DIAPH1: variants seen among roughly 807,000 people sequenced by gnomAD.
The protein encoded by DIAPH1 is diaphanous related formin 1.
Under a neutral mutation model 140.7 loss-of-function variants are expected in DIAPH1, and 46 were observed. That is an observed-to-expected ratio of 0.33 (90% CI 0.26 to 0.42). DIAPH1 has a LOEUF of 0.42. DIAPH1 is among the 10% of genes least tolerant of loss of function. The pLI is 1.00. For missense variants in DIAPH1, 1,310 were observed against 1,558.7 expected (o/e 0.84, Z 2.69); for synonymous variants, 565 against 551.6 (o/e 1.02, Z -0.34).
At chr5:141,574,889 C>G in intron 15 of DIAPH1, 78 bp downstream of exon 15, 1 of 1,492,248 alleles carries the variant, frequency 6.7e-7, no homozygotes. Flanking sequence ...TCCCTAGGAG[C>G]GAGATGACTG....
intron 18 of DIAPH1, among the ~76,000 whole-genome samples, chr5:141,542,368 G>A (rs181646923): frequency 4.1e-4 from 62 of 152,202 alleles, no homozygotes; most frequent in African/African-American, 1.3e-3. Context: ...AGGAGGCAGA[G>A]GTTGCAGTGA....
rs1284204308 is a variant in DIAPH1 at position 141,577,518 on chromosome 5, T to C, written c.1237A>G (p.Ile413Val). The change falls in exon 12 of 28, where the codon ATC becomes GTC. Residue 413 changes from isoleucine to valine, a missense_variant. Coordinates refer to ENST00000389054, the MANE Select transcript of DIAPH1 (RefSeq NM_005219.5). Reference sequence around the variant, plus strand: ...CGGACCAAGAGTAAGTGCTGCAGGATGGAAAGGAAGTGTGGCTCTGCCTTT... The same window carrying C: ...CGGACCAAGAGTAAGTGCTGCAGGACGGAAAGGAAGTGTGGCTCTGCCTTT... The part of the protein sequence containing the change: ...DSKAEPHFLS[I>V]LQHLLLVRND... 6.2e-7 allele frequency: 1 copy of C among 1,614,032 alleles called. No homozygotes were observed. The highest frequency in any genetic ancestry group is 2.2e-5 in the East Asian group (1 of 44,864).
intron 17 of DIAPH1, 138 bp from the exon 18 acceptor site, chr5:141,571,574 C>A: frequency 1.3e-6 from 1 of 756,022 alleles, no homozygotes; most frequent in Non-Finnish European, 2.2e-6. Flanking sequence ...CTTTCCAACC[C>A]TTATTAATTA....
chr5:141,534,033 CAA>C (rs35815835), intron 19 of DIAPH1, among the ~76,000 whole-genome samples: 4 of 49,960 alleles, frequency 8.0e-5, no homozygotes, highest in Admixed American at 2.3e-4. Context: ...GACTGTGTCT[CAA>C]AAAAAAAAAA....
At chr5:141,527,069 TG>T (rs1252198529) in intron 24 of DIAPH1, among the ~76,000 whole-genome samples, 1 of 152,070 alleles carries the variant, frequency 6.6e-6, no homozygotes, top group Non-Finnish European at 1.5e-5. Context: ...TGGTTACCTC[TG>T]GGGAGGGGAA....
rs748520819 is a variant in DIAPH1, at chr5:141,526,466, A to G, written c.3274-5T>C. 6.2e-7 allele frequency: 1 copy of G among 1,614,158 alleles called. No homozygotes were observed. Among genetic ancestry groups the G allele is most frequent in the Non-Finnish European group, 8.5e-7 (1 of 1,180,024 alleles). On this transcript the variant is annotated splice_region_variant and splice_polypyrimidine_tract_variant and intron_variant, in intron 24 of 27. Transcript: ENST00000389054. Reference sequence around the variant, plus strand: ...CTGTGCATCCTTCACAAAGCTGTGCAGCCAAGGAGTAAAGGACCAAGACCA... The same window carrying G: ...CTGTGCATCCTTCACAAAGCTGTGCGGCCAAGGAGTAAAGGACCAAGACCA...
intron 1 of DIAPH1, among the ~76,000 whole-genome samples, chr5:141,613,930 C>T (rs564301814): frequency 6.6e-6 from 1 of 152,244 alleles, no homozygotes; most frequent in Admixed American, 6.5e-5. Context: ...CAAATCAGCC[C>T]CCACGTAAGT....
At chr5:141,547,254 A>G (rs1026941358) in intron 18 of DIAPH1, among the ~76,000 whole-genome samples, 1 of 152,228 alleles carries the variant, frequency 6.6e-6, no homozygotes, top group Non-Finnish European at 1.5e-5. Context: ...TCATGAGGTC[A>G]GGAGATCAAG....
rs567393007 is a variant in DIAPH1 at position 141,571,707 on chromosome 5, A to G, written c.2473+219T>C. On this transcript the variant is annotated intron_variant, in intron 17 of 27. Coordinates refer to ENST00000389054, the MANE Select transcript of DIAPH1 (RefSeq NM_005219.5). ...ATCCCTAACAAGTTATACTGATACA[A>G]AATACCTACATACAACAGTTCTCTT... 285 of 681,332 alleles carry G rather than the reference A, an allele frequency of 4.2e-4. 1 individual carries two copies. In the African/African-American group the frequency reaches 4.7e-3, roughly 11 times the overall value. 42.2% of individuals were successfully genotyped at this position (681,332 alleles called of 1,614,324 possible).
chr5:141,606,242 C>T (rs2099900937), intron 1 of DIAPH1, among the ~76,000 whole-genome samples: 1 of 152,120 alleles, frequency 6.6e-6, no homozygotes, highest in African/African-American at 2.4e-5. Context: ...AAAACTCTTC[C>T]TTGTTCTCTT....
At chr5:141,551,202 C>T (rs1454092405) in intron 18 of DIAPH1, among the ~76,000 whole-genome samples, 1 of 152,226 alleles carries the variant, frequency 6.6e-6, no homozygotes, top group Non-Finnish European at 1.5e-5. Flanking sequence ...ATAATCCCAG[C>T]ACTTTGGAAG....
chr5:141,549,215 T>C (rs2099891320), intron 18 of DIAPH1, among the ~76,000 whole-genome samples: 1 of 152,104 alleles, frequency 6.6e-6, no homozygotes, highest in Admixed American at 6.6e-5. Flanking sequence ...GAAGAAGATG[T>C]ACTAATCAAA....
intron 18 of DIAPH1, chr5:141,563,202 C>G (rs2099893866): frequency 6.6e-6 from 1 of 152,170 alleles, no homozygotes; most frequent in African/African-American, 2.4e-5. Context: ...CCACAGAGGA[C>G]TTCTTCAAAA....
intron 18 of DIAPH1, among the ~76,000 whole-genome samples, chr5:141,549,601 G>C (rs1201734333): frequency 6.6e-6 from 1 of 151,998 alleles, no homozygotes; most frequent in Non-Finnish European, 1.5e-5. Flanking sequence ...TATGTATACA[G>C]CATATTTGCC....
At chr5:141,547,816 G>A (rs925676071) in intron 18 of DIAPH1, among the ~76,000 whole-genome samples, 2 of 152,104 alleles carry the variant, frequency 1.3e-5, no homozygotes, top group Non-Finnish European at 2.9e-5. Context: ...GAATCAAGCA[G>A]CTCAGAGAAA....
At chr5:141,574,885 G>A in intron 15 of DIAPH1, 82 bp downstream of exon 15, 2 of 1,477,642 alleles carry the variant, frequency 1.4e-6, no homozygotes, top group South Asian at 1.1e-5. Context: ...ACCCTCCCTA[G>A]GAGCGAGATG....
chr5:141,591,256 T>C (rs775712516), intron 1 of DIAPH1, among the ~76,000 whole-genome samples: 1 of 152,154 alleles, frequency 6.6e-6, no homozygotes, highest in Non-Finnish European at 1.5e-5. Context: ...AATGGATATG[T>C]ACCTTTCCTT....
chr5:141,559,218 T>C (rs1411277772), intron 18 of DIAPH1, among the ~76,000 whole-genome samples: 1 of 152,246 alleles, frequency 6.6e-6, no homozygotes, highest in Non-Finnish European at 1.5e-5. Context: ...GGAGGACTTC[T>C]GATTTATATT....
intron 16 of DIAPH1, among the ~76,000 whole-genome samples, chr5:141,573,207 C>T (rs980513896): frequency 1.4e-4 from 22 of 151,932 alleles, no homozygotes; most frequent in African/African-American, 4.3e-4. Context: ...GAGGCCGAGA[C>T]GGGCGGATCA....
Sources: gnomAD v4.1 joint callset for allele counts (sites outside exome capture counted in the v4.1 genomes callset) on GRCh38, gnomAD v4.1.1 for gene constraint, MANE v1.5 for transcripts, NCBI Gene and HGNC (gene_info 2026-07-23, HGNC 2026-07-21) for gene names.